The following MOCOS variants were observed in gnomAD, a reference collection of about 807,000 sequenced individuals.
The protein encoded by MOCOS is human molybdenum cofactor sulfurase.
MOCOS carries 86 observed loss-of-function variants against 83.6 expected under a neutral mutation model. The ratio of observed to expected loss-of-function variants is 1.03; its 90% CI spans 0.86 to 1.23. MOCOS has a LOEUF of 1.23. MOCOS is among the 50% of genes most tolerant of loss of function. The pLI is 0.00. For synonymous variants in MOCOS, 445 were observed against 434.7 expected (o/e 1.02, Z -0.29); for missense variants, 1,120 against 1,126.9 (o/e 0.99, Z 0.09).
intron 6 of MOCOS, among the ~76,000 whole-genome samples, chr18:36,208,731 T>C (rs1025078130): frequency 1.3e-5 from 2 of 152,228 alleles, no homozygotes; most frequent in Non-Finnish European, 2.9e-5. Context: ...AATCATGTTA[T>C]CAGTGAAGAG....
intron 2 of MOCOS, among the ~76,000 whole-genome samples, chr18:36,196,608 G>A (rs1287168622): frequency 6.6e-6 from 1 of 152,170 alleles, no homozygotes; most frequent in African/African-American, 2.4e-5. Context: ...AGTCTTCTGG[G>A]AAGGTGCCAA....
rs1474621091 is a variant in MOCOS, at chr18:36,200,030, T to A, written c.647T>A (p.Ile216Lys). ...GGAGTCAGATACCCCCTGTCCTGGA[T>A]AGAAGAGGTCAAGTCTGGGCGGTTG... ...FSGVRYPLSW[I>K]EEVKSGRLHP... Residue 216 changes from isoleucine (I) to lysine (K), a missense_variant, in exon 4 of 15, where the codon ATA becomes AAA. Ile to Lys is a moderately radical substitution (Grantham distance 102). Coordinates refer to ENST00000261326, the MANE Select transcript of MOCOS (RefSeq NM_017947.4). 1 of 1,614,206 alleles carries A rather than the reference T, an allele frequency of 6.2e-7. No individual in the cohort carries two copies. The highest frequency in any genetic ancestry group is 8.5e-7 in the Non-Finnish European group (1 of 1,180,038).
chr18:36,212,788 T>C (rs2091459879), intron 6 of MOCOS, among the ~76,000 whole-genome samples: 1 of 152,158 alleles, frequency 6.6e-6, no homozygotes, highest in South Asian at 2.1e-4. Flanking sequence ...TGTGTTTATT[T>C]TCCTGAATGC....
At chr18:36,231,350 T>C (rs147497785) in intron 9 of MOCOS, among the ~76,000 whole-genome samples, 1 of 152,320 alleles carries the variant, frequency 6.6e-6, no homozygotes, top group African/African-American at 2.4e-5. Context: ...TCTGTTTTTA[T>C]CAGTGAGAGT....
chr18:36,227,935 G>A (rs2091523982), intron 9 of MOCOS, among the ~76,000 whole-genome samples: 1 of 152,084 alleles, frequency 6.6e-6, no homozygotes, highest in South Asian at 2.1e-4. Context: ...TGCAAACTAT[G>A]CATCTGACAA....
chr18:36,208,365 T>A (rs1176352550), intron 6 of MOCOS, among the ~76,000 whole-genome samples: 2 of 152,242 alleles, frequency 1.3e-5, no homozygotes, highest in Non-Finnish European at 2.9e-5. Flanking sequence ...AGGAATAACA[T>A]TGACTCTGTA....
In MOCOS at chr18:36,210,677, C is replaced by G. The variant is rs182854962; in HGVS notation, c.1219-2689C>G. 2.0e-5 allele frequency among the ~76,000 whole-genome samples: 3 copies of G among 151,186 alleles called. No individual in the cohort carries two copies. In the South Asian group the frequency reaches 6.3e-4, roughly 32 times the overall value. ...ACTATCCTGGCCAACATGGCGAAACCCTGTCTCTACTAAAAATACAAAAAT... is the reference window on the plus strand; with the variant it reads ...ACTATCCTGGCCAACATGGCGAAACGCTGTCTCTACTAAAAATACAAAAAT... On this transcript the variant is annotated intron_variant, in intron 6 of 14. Transcript: ENST00000261326.
chr18:36,202,613 GAC>G (rs763333219), intron 4 of MOCOS, among the ~76,000 whole-genome samples: 3 of 152,198 alleles, frequency 2.0e-5, no homozygotes, highest in Non-Finnish European at 4.4e-5. Context: ...TGTTTTATAA[GAC>G]AGCAGAGGGA....
intron 13 of MOCOS, among the ~76,000 whole-genome samples, chr18:36,263,979 C>A (rs1382781651): frequency 1.3e-5 from 2 of 152,014 alleles, no homozygotes; most frequent in Non-Finnish European, 1.5e-5. Context: ...GAGTTTGACA[C>A]CAGCCTGACC....
At chr18:36,229,904 A>C (rs748546427) in intron 9 of MOCOS, among the ~76,000 whole-genome samples, 1 of 151,898 alleles carries the variant, frequency 6.6e-6, no homozygotes, top group African/African-American at 2.4e-5. Flanking sequence ...TTGTTCATGC[A>C]CTGTTCTCTT....
intron 9 of MOCOS, among the ~76,000 whole-genome samples, chr18:36,237,591 C>T (rs1267795104): frequency 6.6e-6 from 1 of 151,984 alleles, no homozygotes; most frequent in East Asian, 1.9e-4. Flanking sequence ...GTCTAAAATT[C>T]TCTTCTTTGG....
Position 36,248,959 on chromosome 18 carries a change from T to A in MOCOS, c.1998T>A (p.Ser666Arg), listed in dbSNP as rs767030114. 4 of 1,614,188 alleles carry A rather than the reference T, an allele frequency of 2.5e-6. No individual in the cohort carries two copies. Among genetic ancestry groups the A allele is most frequent in the Non-Finnish European group, 2.5e-6 (3 of 1,180,022 alleles). The change falls in exon 10 of 15, where the codon AGT (serine) becomes AGA (arginine). Residue 666 changes from serine (S) to arginine (R), a missense_variant. By Grantham distance (110) the Ser-to-Arg change is moderately radical. Coordinates refer to ENST00000261326, the MANE Select transcript of MOCOS (RefSeq NM_017947.4). ...EPIEVPLEEN[S>R]ERTQIRQSRV... is the part of the protein sequence containing the mutation. ...TAGAGGTGCCTCTTGAGGAAAATAG[T>A]GAACGGACTCAGATTCGCCAAAGCA...
At position 36,269,378 on chromosome 18, in the gene MOCOS, G is replaced by T. The variant is rs532470666; in HGVS notation, c.*693G>T. 2.0e-5 allele frequency: 3 copies of T among 152,682 alleles called. No individual in the cohort carries two copies. The highest frequency in any genetic ancestry group is 3.9e-4 in the East Asian group (2 of 5,182). 9.5% of individuals were successfully genotyped at this position (152,682 alleles called of 1,614,324 possible). A position where few individuals can be genotyped will look rare whatever the true frequency, so the allele number is the denominator to read the frequency against. ...CTCAGTGATGGCTGTGCTTATGCAG[G>T]TTGTCATCCTCCCCTCCACAAGCCC... On this transcript the variant is annotated 3_prime_UTR_variant, in exon 15 of 15. Coordinates refer to ENST00000261326, the MANE Select transcript of MOCOS (RefSeq NM_017947.4).
intron 12 of MOCOS, among the ~76,000 whole-genome samples, chr18:36,258,487 T>C (rs892363849): frequency 1.3e-5 from 2 of 152,176 alleles, no homozygotes; most frequent in African/African-American, 2.4e-5. Context: ...GTGGTCCTCA[T>C]AGGTTGTGGG....
chr18:36,261,725 A>G (rs1365308188), intron 13 of MOCOS, among the ~76,000 whole-genome samples: 1 of 152,094 alleles, frequency 6.6e-6, no homozygotes, highest in Admixed American at 6.6e-5. Flanking sequence ...TCTCTCCCAC[A>G]AGCCCATCTC....
intron 9 of MOCOS, among the ~76,000 whole-genome samples, chr18:36,236,925 T>C (rs1238690724): frequency 6.6e-6 from 1 of 152,106 alleles, no homozygotes; most frequent in Non-Finnish European, 1.5e-5. Context: ...ATGATTTGGC[T>C]CTCTGTTTTT....
At chr18:36,259,763 C>A (rs1397815267) in intron 12 of MOCOS, among the ~76,000 whole-genome samples, 2 of 152,182 alleles carry the variant, frequency 1.3e-5, no homozygotes, top group Non-Finnish European at 2.9e-5. Context: ...AGTCCTTCAT[C>A]TCTTCAGCTA....
At chr18:36,202,348 TC>T (rs1162010962) in intron 4 of MOCOS, among the ~76,000 whole-genome samples, 2 of 152,156 alleles carry the variant, frequency 1.3e-5, no homozygotes, top group African/African-American at 4.8e-5. Context: ...AGAGATGGGG[TC>T]TTGCTATCTA....
rs1381152192 is a variant in MOCOS, at chr18:36,215,782, T to C, written c.1602T>C (p.Asp534=). Residue 534 remains aspartate, a synonymous_variant, in exon 8 of 15, where the codon GAT becomes GAC. Coordinates refer to ENST00000261326, the MANE Select transcript of MOCOS (RefSeq NM_017947.4). Reference sequence around the variant, plus strand: ...GACGTAGCCTCTCGCCTCAGGAAGATGCCCTCACAGGCTCCAGGGTTTGGA... The same window carrying C: ...GACGTAGCCTCTCGCCTCAGGAAGACGCCCTCACAGGCTCCAGGGTTTGGA... ...MGRRSLSPQE[D]ALTGSRVWNN... The C allele has an allele frequency of 6.2e-7, 1 of 1,614,216 alleles. No homozygotes were observed. Among genetic ancestry groups the C allele is most frequent in the Non-Finnish European group, 8.5e-7 (1 of 1,180,040 alleles).
Sources: allele counts gnomAD v4.1 joint callset (sites outside exome capture counted in the v4.1 genomes callset), GRCh38; gene constraint gnomAD v4.1.1; transcripts MANE v1.5; gene names NCBI Gene and HGNC (gene_info 2026-07-23, HGNC 2026-07-21).